Variants in SGCZ observed in about 807,000 individuals in gnomAD.
SGCZ encodes the protein sarcoglycan zeta, also known as zeta-sarcoglycan.
In SGCZ, 40 loss-of-function variants were observed where a neutral mutation model predicts 41.3. The ratio of observed to expected loss-of-function variants is 0.97; its 90% CI spans 0.75 to 1.26. The LOEUF (loss-of-function observed/expected upper bound fraction) is 1.26. SGCZ is among the 50% of genes most tolerant of loss of function. The pLI is 0.00. For missense variants in SGCZ, 552 were observed against 369.8 expected, an observed-to-expected ratio of 1.49 and a Z score of -4.04; for synonymous variants, 206 against 137.5, an observed-to-expected ratio of 1.50 and a Z score of -3.49.
At chr8:15,112,597 C>A (rs4294182) in intron 1 of SGCZ, among the ~76,000 whole-genome samples, 58,926 of 152,092 alleles carry the variant, frequency 0.39, 11,602 homozygotes, top group South Asian at 0.48. Context: ...GGCCTTAATA[C>A]ATAGGCAGTT....
chr8:14,301,313 A>T (rs1008817109), intron 3 of SGCZ, among the ~76,000 whole-genome samples: 1 of 151,984 alleles, frequency 6.6e-6, no homozygotes, highest in Non-Finnish European at 1.5e-5. Context: ...TTTTCTGATA[A>T]AAGTATAGGA....
At chr8:14,325,690 T>C (rs908080026) in intron 2 of SGCZ, among the ~76,000 whole-genome samples, 1 of 123,278 alleles carries the variant, frequency 8.1e-6, no homozygotes, top group African/African-American at 2.9e-5. Context: ...CAATACATAA[T>C]CATATATAAT....
At chr8:15,204,559 C>T (rs1449995711) in intron 1 of SGCZ, among the ~76,000 whole-genome samples, 1 of 152,120 alleles carries the variant, frequency 6.6e-6, no homozygotes, top group Admixed American at 6.5e-5. Context: ...CAGAGGCTAG[C>T]TTTCTTGTGA....
intron 2 of SGCZ, among the ~76,000 whole-genome samples, chr8:14,485,166 G>A (rs934523686): frequency 3.9e-5 from 6 of 152,024 alleles, no homozygotes; most frequent in Non-Finnish European, 8.8e-5. Context: ...AGATTTTGTG[G>A]GATACATGAT....
At chr8:14,834,757 G>T (rs1169214852) in intron 1 of SGCZ, among the ~76,000 whole-genome samples, 1 of 152,136 alleles carries the variant, frequency 6.6e-6, no homozygotes, top group Non-Finnish European at 1.5e-5. Context: ...AGAATATTTG[G>T]AGAGCATGTC....
At chr8:15,165,420 G>A (rs184397100) in intron 1 of SGCZ, among the ~76,000 whole-genome samples, 119 of 152,196 alleles carry the variant, frequency 7.8e-4, no homozygotes, top group African/African-American at 2.7e-3. Flanking sequence ...TGCAACATGC[G>A]GGTCAGAAGC....
At chr8:14,400,987 A>C (rs1324850397) in intron 2 of SGCZ, among the ~76,000 whole-genome samples, 2 of 152,150 alleles carry the variant, frequency 1.3e-5, no homozygotes, top group Non-Finnish European at 2.9e-5. Context: ...GTGAAGTCCT[A>C]ACAATCAGTG....
chr8:15,083,850 C>G (rs1805851951), intron 1 of SGCZ, among the ~76,000 whole-genome samples: 1 of 152,144 alleles, frequency 6.6e-6, no homozygotes, highest in African/African-American at 2.4e-5. Flanking sequence ...CACCTCATTG[C>G]TGGGGTTACA....
intron 1 of SGCZ, among the ~76,000 whole-genome samples, chr8:14,677,326 T>A (rs1051254219): frequency 2.0e-5 from 3 of 152,098 alleles, no homozygotes; most frequent in African/African-American, 7.2e-5. Flanking sequence ...TGAAGAAATA[T>A]TTCATGTTCA....
chr8:14,879,342 A>G (rs1563334182), intron 1 of SGCZ: 1 of 152,170 alleles, frequency 6.6e-6, no homozygotes, highest in African/African-American at 2.4e-5. Flanking sequence ...ACAAAACAAA[A>G]CAAACAGACA....
intron 1 of SGCZ, among the ~76,000 whole-genome samples, chr8:14,874,648 A>G (rs566887761): frequency 1.3e-5 from 2 of 152,308 alleles, no homozygotes; most frequent in East Asian, 3.9e-4. Context: ...CAGTGACAGC[A>G]GTGTATGGCA....
intron 1 of SGCZ, among the ~76,000 whole-genome samples, chr8:14,589,196 A>C (rs34881720): frequency 1.3e-5 from 2 of 151,998 alleles, no homozygotes; most frequent in Non-Finnish European, 1.5e-5. Context: ...AATAAAAAAA[A>C]CGAGCTGGGT....
chr8:14,550,784 T>C (rs1803780744), intron 2 of SGCZ, among the ~76,000 whole-genome samples: 2 of 151,984 alleles, frequency 1.3e-5, no homozygotes, highest in Admixed American at 1.3e-4. Context: ...CATAAAAAAT[T>C]ACCTGCCTTT....
intron 1 of SGCZ, among the ~76,000 whole-genome samples, chr8:14,790,670 C>G (rs1007002337): frequency 6.6e-6 from 1 of 151,986 alleles, no homozygotes. Context: ...AGTAGACAAA[C>G]TGGAAGAATA....
At chr8:14,837,991 G>A (rs1169730584) in intron 1 of SGCZ, among the ~76,000 whole-genome samples, 1 of 152,002 alleles carries the variant, frequency 6.6e-6, no homozygotes, top group African/African-American at 2.4e-5. Flanking sequence ...TATACACAAT[G>A]TAATATTATT....
At position 14,592,262 on chromosome 8, in the gene SGCZ, C is replaced by A. The variant is rs146517568; in HGVS notation, c.40-37336G>T. On this transcript the variant is annotated intron_variant, in intron 1 of 7. Coordinates refer to ENST00000382080, the MANE Select transcript of SGCZ (RefSeq NM_139167.4). ...GAATTTATAAATATTTGATGTCTCT[C>A]CAAATAAATCTTCAACAATGAAGAA... Among the ~76,000 whole-genome samples the A allele has an allele frequency of 6.0e-3, 917 of 152,110 alleles. 4 individuals carry two copies. The highest frequency in any genetic ancestry group is 0.021 in the African/African-American group (882 of 41,510).
intron 1 of SGCZ, among the ~76,000 whole-genome samples, chr8:14,919,599 T>C (rs764181565): frequency 1.3e-5 from 2 of 152,106 alleles, no homozygotes; most frequent in Non-Finnish European, 1.5e-5. Context: ...TATTACTCCA[T>C]AGTAATTTTG....
intron 1 of SGCZ, among the ~76,000 whole-genome samples, chr8:14,627,172 T>C (rs916649693): frequency 4.6e-5 from 7 of 152,220 alleles, no homozygotes; most frequent in Non-Finnish European, 1.0e-4. Context: ...AATTATTTAT[T>C]TGGAAGTGTG....
intron 2 of SGCZ, among the ~76,000 whole-genome samples, chr8:14,471,856 T>C (rs372643559): frequency 6.6e-6 from 1 of 152,150 alleles, no homozygotes; most frequent in African/African-American, 2.4e-5. Flanking sequence ...TTCTCAGGCA[T>C]TTTACTAAGG....
Sources: gnomAD v4.1 joint callset for allele counts (sites outside exome capture counted in the v4.1 genomes callset) on GRCh38, gnomAD v4.1.1 for gene constraint, MANE v1.5 for transcripts, NCBI Gene and HGNC (gene_info 2026-07-23, HGNC 2026-07-21) for gene names.